The following FHIP2A variants were observed in gnomAD, a reference collection of about 807,000 sequenced individuals.
FHIP2A encodes the protein family with sequence similarity 160 member B1.
A neutral mutation model predicts 93.5 loss-of-function variants in FHIP2A; 46 were observed. The observed-to-expected ratio is 0.49, with a 90% CI of 0.39 to 0.63. The LOEUF (loss-of-function observed/expected upper bound fraction) is 0.63. Ranked by LOEUF, FHIP2A falls within the 20% of genes least tolerant of loss-of-function variation. The probability of loss-of-function intolerance (pLI) is 0.00; values close to 1 mark genes in which losing one functional copy is unlikely to be tolerated. For synonymous variants in FHIP2A, 332 were observed against 326.5 expected (o/e 1.02, Z -0.18); for missense variants, 769 against 909.7 (o/e 0.85, Z 1.99).
chr10:114,838,598 A>G (rs545394491), intron 5 of FHIP2A, among the ~76,000 whole-genome samples: 1 of 152,192 alleles, frequency 6.6e-6, no homozygotes, highest in South Asian at 2.1e-4. Flanking sequence ...TTCTTAGATA[A>G]CCTTAGTGTA....
At chr10:114,893,584 C>T (rs568722987) in intron 16 of FHIP2A, among the ~76,000 whole-genome samples, 1 of 152,256 alleles carries the variant, frequency 6.6e-6, no homozygotes, top group African/African-American at 2.4e-5. Flanking sequence ...CCCCAAAATC[C>T]AGTATAAAAT....
At chr10:114,825,486 A>C (rs1378756102) in intron 1 of FHIP2A, among the ~76,000 whole-genome samples, 1 of 152,224 alleles carries the variant, frequency 6.6e-6, no homozygotes, top group Non-Finnish European at 1.5e-5. Flanking sequence ...ATATTTGAAA[A>C]TGTGTTGTTA....
At position 114,847,380 on chromosome 10, in the gene FHIP2A, C is replaced by T. The variant is rs1044268381; in HGVS notation, c.1712+147C>T. ...CTCTGCTCACTGCAACCTCCGCCTC[C>T]TGGGTTTAAGCGATTCTCCTGCCCC... On this transcript the variant is annotated intron_variant, in intron 12 of 16. Coordinates refer to ENST00000369248, the MANE Select transcript of FHIP2A (RefSeq NM_020940.4). The T allele has an allele frequency of 6.3e-6, 4 of 630,756 alleles. No homozygotes were observed. The South Asian group carries it at 1.0e-4, about 16-fold the overall frequency. The allele number at this position is 630,756 out of a possible 1,614,324, so 39.1% of individuals were successfully genotyped here. A position where few individuals can be genotyped will look rare whatever the true frequency, so the allele number is the denominator to read the frequency against.
At chr10:114,887,359 T>C (rs1024826547) in intron 16 of FHIP2A, among the ~76,000 whole-genome samples, 2 of 152,154 alleles carry the variant, frequency 1.3e-5, no homozygotes, top group Non-Finnish European at 2.9e-5. Context: ...AACAATAAGC[T>C]CCTTACATTT....
intron 16 of FHIP2A, among the ~76,000 whole-genome samples, chr10:114,895,170 C>T (rs910762345): frequency 9.2e-5 from 14 of 152,184 alleles, no homozygotes; most frequent in African/African-American, 3.4e-4. Flanking sequence ...GGATTTTCCC[C>T]ATTTTCTTCC....
At chr10:114,856,528 C>T (rs2143012713) in intron 14 of FHIP2A, among the ~76,000 whole-genome samples, 1 of 152,158 alleles carries the variant, frequency 6.6e-6, no homozygotes, top group Admixed American at 6.5e-5. Context: ...AAGCTTGTTG[C>T]TTGATTAAGC....
intron 1 of FHIP2A, among the ~76,000 whole-genome samples, chr10:114,823,821 A>T (rs2083558025): frequency 6.6e-6 from 1 of 152,176 alleles, no homozygotes; most frequent in Non-Finnish European, 1.5e-5. Context: ...CCTTGAATAT[A>T]TGAAATACTT....
At chr10:114,884,676 G>C (rs1036044501) in intron 16 of FHIP2A, among the ~76,000 whole-genome samples, 1 of 152,152 alleles carries the variant, frequency 6.6e-6, no homozygotes, top group Non-Finnish European at 1.5e-5. Flanking sequence ...ACTTTGGGAG[G>C]CTGAGGCAGG....
chr10:114,831,833 A>C (rs1422016386), intron 2 of FHIP2A, among the ~76,000 whole-genome samples: 1 of 152,220 alleles, frequency 6.6e-6, no homozygotes, highest in African/African-American at 2.4e-5. Flanking sequence ...TTTGAATCCA[A>C]GTTGTCTAAC....
intron 13 of FHIP2A, among the ~76,000 whole-genome samples, chr10:114,849,189 G>A (rs1177216549): frequency 6.8e-6 from 1 of 146,230 alleles, no homozygotes; most frequent in East Asian, 2.0e-4. Context: ...TTTGCTTTGT[G>A]CAAGTGACTT....
At chr10:114,830,459 G>A in intron 1 of FHIP2A, among the ~76,000 whole-genome samples, 1 of 151,816 alleles carries the variant, frequency 6.6e-6, no homozygotes, top group Non-Finnish European at 1.5e-5. Context: ...TTTTAGTAGA[G>A]ATGGGGTTTC....
chr10:114,864,493 CA>C lies in FHIP2A; in HGVS notation c.*2954del. On this transcript the variant is annotated 3_prime_UTR_variant, in exon 17 of 17. Transcript: ENST00000369248. ...TGCCTCCTGCCTTGTTTACATTAAA[CA>C]GGATATTTGGTAAATTTTTTTGTAT... 1.0e-6 allele frequency: 1 copy of C among 985,756 alleles called. No homozygotes were observed. Among genetic ancestry groups the C allele is most frequent in the South Asian group, 4.7e-5 (1 of 21,278 alleles). 61.1% of individuals were successfully genotyped at this position (985,756 alleles called of 1,614,324 possible).
chr10:114,833,586 T>C lies in FHIP2A; in HGVS notation c.294+184T>C, dbSNP rs1003627384. On this transcript the variant is annotated intron_variant, in intron 3 of 16. Coordinates refer to ENST00000369248, the MANE Select transcript of FHIP2A (RefSeq NM_020940.4). The stretch of plus-strand genomic sequence containing the variant: ...AATATGTCCATAGAGATAGAAAGAT[T>C]CCAAACACTCTAGACAACAACTTGT... The C allele has an allele frequency of 5.6e-6, 3 of 533,104 alleles. No individual in the cohort carries two copies. In the African/African-American group the frequency reaches 5.9e-5, roughly 11 times the overall value. 33.0% of individuals were successfully genotyped at this position (533,104 alleles called of 1,614,324 possible).
At chr10:114,824,787 TG>T (rs1170088735) in intron 1 of FHIP2A, among the ~76,000 whole-genome samples, 1 of 152,192 alleles carries the variant, frequency 6.6e-6, no homozygotes, top group Non-Finnish European at 1.5e-5. Context: ...AGCTCTTCTG[TG>T]TGTTCCTGTT....
At chr10:114,880,023 G>A (rs1022027211) in intron 16 of FHIP2A, among the ~76,000 whole-genome samples, 1 of 152,146 alleles carries the variant, frequency 6.6e-6, no homozygotes, top group South Asian at 2.1e-4. Context: ...GGCATTCAGT[G>A]GGGAAGACAA....
intron 5 of FHIP2A, 91 bp from the exon 6 acceptor site, chr10:114,842,842 T>G: frequency 1.3e-6 from 1 of 789,540 alleles, no homozygotes. Context: ...TGGCTAGGCA[T>G]GTGGAATGTT....
intron 16 of FHIP2A, among the ~76,000 whole-genome samples, chr10:114,881,034 C>T (rs148267205): frequency 7.4e-4 from 112 of 152,328 alleles, no homozygotes; most frequent in Non-Finnish European, 1.4e-3. Context: ...GAGACAGTGT[C>T]AAACTGCTGA....
intron 11 of FHIP2A, 31 bp from the exon 12 acceptor site, chr10:114,847,059 T>C: frequency 1.3e-6 from 2 of 1,537,738 alleles, no homozygotes; most frequent in Non-Finnish European, 1.8e-6. Context: ...AATAAAATAG[T>C]GCTTTTTATG....
At position 114,864,629 on chromosome 10, in the gene FHIP2A, G is replaced by A; in HGVS notation, c.*3089G>A. 1 of 985,760 alleles carries A rather than the reference G, an allele frequency of 1.0e-6. No homozygotes were observed. Among genetic ancestry groups the A allele is most frequent in the Non-Finnish European group, 1.2e-6 (1 of 829,876 alleles). 61.1% of individuals were successfully genotyped at this position (985,760 alleles called of 1,614,324 possible). Reference sequence around the variant, plus strand: ...TGTACCTACTCTCTCTTCAAAGGAAGTTGTGATCAAGTTCAACTTTTTGTG... The same window carrying A: ...TGTACCTACTCTCTCTTCAAAGGAAATTGTGATCAAGTTCAACTTTTTGTG... On this transcript the variant is annotated 3_prime_UTR_variant, in exon 17 of 17. Coordinates refer to ENST00000369248, the MANE Select transcript of FHIP2A (RefSeq NM_020940.4).
Sources: gnomAD v4.1 joint callset for allele counts (sites outside exome capture counted in the v4.1 genomes callset) on GRCh38, gnomAD v4.1.1 for gene constraint, MANE v1.5 for transcripts, NCBI Gene and HGNC (gene_info 2026-07-23, HGNC 2026-07-21) for gene names.